The following PCDH15 variants were observed in gnomAD, a reference collection of about 807,000 sequenced individuals.
PCDH15 encodes the protein protocadherin-15.
PCDH15 carries 129 observed loss-of-function variants against 178.5 expected under a neutral mutation model. The ratio of observed to expected loss-of-function variants is 0.72; its 90% CI spans 0.63 to 0.84. The LOEUF is 0.84. Ranked by LOEUF, PCDH15 falls within the 40% of genes least tolerant of loss-of-function variation. PCDH15 has a pLI of 0.00. For missense variants in PCDH15, 2,230 were observed against 2,099.9 expected (o/e 1.06, Z -1.21); for synonymous variants, 800 against 732.0 (o/e 1.09, Z -1.50).
intron 3 of PCDH15, among the ~76,000 whole-genome samples, chr10:54,826,650 A>C (rs73254003): frequency 6.6e-6 from 1 of 151,982 alleles, no homozygotes; most frequent in Non-Finnish European, 1.5e-5. Context: ...AATTTCAGGT[A>C]AACAGTGGGT....
chr10:54,315,718 AGGG>A (rs71007830), intron 8 of PCDH15, among the ~76,000 whole-genome samples: 99,413 of 151,236 alleles, frequency 0.66, 33,457 homozygotes, highest in Middle Eastern at 0.81. Flanking sequence ...TGGTATAAGG[AGGG>A]GGGGGTCCAG....
chr10:53,894,073 A>C (rs1034146066), intron 26 of PCDH15, among the ~76,000 whole-genome samples: 5 of 152,242 alleles, frequency 3.3e-5, no homozygotes, highest in Non-Finnish European at 7.3e-5. Context: ...TCAATAAATA[A>C]AATTTTAAAC....
At chr10:54,967,336 T>C (rs893799220) in intron 2 of PCDH15, among the ~76,000 whole-genome samples, 5 of 152,114 alleles carry the variant, frequency 3.3e-5, no homozygotes, top group Admixed American at 2.6e-4. Flanking sequence ...GATACACACA[T>C]GCACACACAC....
intron 1 of PCDH15, among the ~76,000 whole-genome samples, chr10:54,799,290 A>G (rs1952388070): frequency 6.6e-6 from 1 of 152,126 alleles, no homozygotes. Context: ...TACAACACAT[A>G]CCATGCAAAA....
intron 4 of PCDH15, among the ~76,000 whole-genome samples, chr10:54,376,180 C>A (rs2134939445): frequency 6.6e-6 from 1 of 151,884 alleles, no homozygotes; most frequent in East Asian, 1.9e-4. Context: ...CAGGCATGAG[C>A]CATCACACCC....
At chr10:55,623,665 T>C (rs1837457412) in intron 2 of PCDH15, among the ~76,000 whole-genome samples, 1 of 151,340 alleles carries the variant, frequency 6.6e-6, no homozygotes, top group African/African-American at 2.4e-5. Context: ...TATAATATGA[T>C]TTTCATCAGA....
chr10:55,458,786 A>C (rs926841118), intron 2 of PCDH15, among the ~76,000 whole-genome samples: 2 of 152,048 alleles, frequency 1.3e-5, no homozygotes, highest in Non-Finnish European at 2.9e-5. Context: ...CATTAATCAA[A>C]GTTTATCAAA....
intron 2 of PCDH15, among the ~76,000 whole-genome samples, chr10:55,463,694 G>C (rs1362824151): frequency 6.6e-6 from 1 of 151,758 alleles, no homozygotes; most frequent in Non-Finnish European, 1.5e-5. Context: ...TACTTACTTA[G>C]TCTTAACTTC....
chr10:54,234,996 C>T (rs762886299), intron 9 of PCDH15, among the ~76,000 whole-genome samples: 14 of 152,140 alleles, frequency 9.2e-5, no homozygotes, highest in Non-Finnish European at 1.6e-4. Flanking sequence ...CCAGTACTTC[C>T]GGCCCCCTTG....
intron 14 of PCDH15, among the ~76,000 whole-genome samples, chr10:54,147,030 A>AGTGT (rs2044048756): frequency 3.5e-5 from 4 of 114,606 alleles, no homozygotes; most frequent in South Asian, 3.1e-4. Context: ...TATATATACA[A>AGTGT]ATATATAATA....
intron 2 of PCDH15, among the ~76,000 whole-genome samples, chr10:54,589,140 G>T (rs1937417): frequency 0.92 from 139,855 of 152,134 alleles, 64,757 homozygotes; most frequent in Middle Eastern, 0.98. Flanking sequence ...TATTTTTGAA[G>T]AGTCTAAAGG....
At chr10:54,632,604 C>T (rs1392808831) in intron 2 of PCDH15, among the ~76,000 whole-genome samples, 1 of 151,976 alleles carries the variant, frequency 6.6e-6, no homozygotes, top group African/African-American at 2.4e-5. Context: ...ATTACCCCTG[C>T]TAAAATTTTA....
At chr10:54,331,727 T>C (rs1939623926) in intron 6 of PCDH15, among the ~76,000 whole-genome samples, 1 of 152,032 alleles carries the variant, frequency 6.6e-6, no homozygotes, top group Non-Finnish European at 1.5e-5. Context: ...ATATGGAAGA[T>C]ACTGTGGTCT....
At chr10:53,990,906 C>T (rs1029027981) in intron 21 of PCDH15, among the ~76,000 whole-genome samples, 21 of 151,952 alleles carry the variant, frequency 1.4e-4, no homozygotes, top group African/African-American at 2.7e-4. Context: ...ACACTCCGAG[C>T]GGCCGTCTGG....
At chr10:53,868,365 T>C (rs1041283006) in intron 26 of PCDH15, among the ~76,000 whole-genome samples, 4 of 152,184 alleles carry the variant, frequency 2.6e-5, no homozygotes, top group Non-Finnish European at 1.5e-5. Flanking sequence ...AATAACATCA[T>C]ACAAAAATAG....
At chr10:54,656,426 A>G (rs1277548171) in intron 2 of PCDH15, among the ~76,000 whole-genome samples, 1 of 152,068 alleles carries the variant, frequency 6.6e-6, no homozygotes, top group Non-Finnish European at 1.5e-5. Flanking sequence ...TACCCTCACA[A>G]TCCTGGGCAA....
intron 3 of PCDH15, among the ~76,000 whole-genome samples, chr10:54,512,469 A>C (rs1435478400): frequency 4.6e-5 from 7 of 151,444 alleles, no homozygotes; most frequent in Non-Finnish European, 2.9e-5. Flanking sequence ...TTGCTATCCT[A>C]CAAAAATGGC....
At chr10:53,874,115 C>A (rs1214753282) in intron 26 of PCDH15, among the ~76,000 whole-genome samples, 1 of 152,034 alleles carries the variant, frequency 6.6e-6, no homozygotes, top group Non-Finnish European at 1.5e-5. Flanking sequence ...CTGATGGGAG[C>A]TTTCATTTAG....
intron 2 of PCDH15, among the ~76,000 whole-genome samples, chr10:54,918,663 C>G (rs1199430859): frequency 2.6e-5 from 4 of 152,112 alleles, no homozygotes; most frequent in African/African-American, 9.7e-5. Context: ...TTGCATGTAG[C>G]TACACTGTTT....
Sources: gnomAD v4.1 joint callset for allele counts (sites outside exome capture counted in the v4.1 genomes callset) on GRCh38, gnomAD v4.1.1 for gene constraint, MANE v1.5 for transcripts, NCBI Gene and HGNC (gene_info 2026-07-23, HGNC 2026-07-21) for gene names.